The following DPP10 variants were observed in gnomAD, a reference collection of about 807,000 sequenced individuals.
DPP10 encodes the protein dipeptidyl peptidase like 10.
A neutral mutation model predicts 120.9 loss-of-function variants in DPP10; 33 were observed. The observed-to-expected ratio is 0.27, with a 90% CI of 0.21 to 0.37. The LOEUF is 0.37. Ranked by LOEUF, DPP10 falls within the 10% of genes least tolerant of loss-of-function variation. The pLI, the probability that DPP10 is intolerant of heterozygous loss-of-function variation, is 1.00. For missense variants in DPP10, 816 were observed against 942.8 expected (o/e 0.87, Z 1.76); for synonymous variants, 337 against 326.1 (o/e 1.03, Z -0.36).
At chr2:114,823,062 A>T (rs1686229163) in intron 1 of DPP10, among the ~76,000 whole-genome samples, 1 of 152,168 alleles carries the variant, frequency 6.6e-6, no homozygotes, top group African/African-American at 2.4e-5. Context: ...AGGTATCTTT[A>T]CAGCAGCACC....
In DPP10 at chr2:115,723,877, A is replaced by G. The variant is rs142638302; in HGVS notation, c.577-3939A>G. On this transcript the variant is annotated intron_variant, in intron 7 of 25. Transcript: ENST00000410059. ...TGAATGCAAATACTATCCCAACTCC[A>G]GTGTAACTTTACAGATCTTTCCAAA... Among the ~76,000 whole-genome samples the G allele has an allele frequency of 3.0e-3, 463 of 152,312 alleles. 2 individuals carry two copies. The highest frequency in any genetic ancestry group is 0.021 in the South Asian group (103 of 4,828).
rs147519099 is a variant in DPP10, at chr2:114,725,161, C to G, written c.60+282323C>G. Among the ~76,000 whole-genome samples the G allele has an allele frequency of 2.7e-3, 410 of 152,250 alleles. 4 individuals carry two copies. Among genetic ancestry groups the G allele is most frequent in the African/African-American group, 8.8e-3 (367 of 41,546 alleles). On this transcript the variant is annotated intron_variant, in intron 1 of 25. Transcript: ENST00000410059. ...TTCCCAGGGCAACTTGGAAATGTGT[C>G]CCAGCCATTGTCCTCACTTTGGCTA...
At chr2:114,559,891 CAA>C (rs60833358) in intron 1 of DPP10, among the ~76,000 whole-genome samples, 18,764 of 65,900 alleles carry the variant, frequency 0.28, 885 homozygotes, top group Non-Finnish European at 0.33. Context: ...AGAAAAAAAG[CAA>C]AAAAAAAAAA....
At chr2:114,462,687 A>G (rs1465581534) in intron 1 of DPP10, among the ~76,000 whole-genome samples, 1 of 152,080 alleles carries the variant, frequency 6.6e-6, no homozygotes, top group Non-Finnish European at 1.5e-5. Context: ...AGGTGTCTCC[A>G]CTATAAAACG....
At chr2:114,715,935 A>G (rs1239022029) in intron 1 of DPP10, among the ~76,000 whole-genome samples, 2 of 152,100 alleles carry the variant, frequency 1.3e-5, no homozygotes. Context: ...AAACAACTCA[A>G]GATGCTACCA....
At chr2:114,911,117 T>A (rs566433530) in intron 1 of DPP10, among the ~76,000 whole-genome samples, 1 of 152,340 alleles carries the variant, frequency 6.6e-6, no homozygotes, top group East Asian at 1.9e-4. Flanking sequence ...ATATGTGAAA[T>A]CAATACACTT....
intron 1 of DPP10, among the ~76,000 whole-genome samples, chr2:115,277,125 G>A (rs72955579): frequency 0.015 from 2,295 of 152,204 alleles, 50 homozygotes; most frequent in African/African-American, 0.052. Flanking sequence ...AAATCAAGAT[G>A]TACATTATTA....
chr2:115,400,252 G>A (rs987022431), intron 3 of DPP10, among the ~76,000 whole-genome samples: 1 of 152,120 alleles, frequency 6.6e-6, no homozygotes, highest in Non-Finnish European at 1.5e-5. Flanking sequence ...ACCATGTCAT[G>A]GCTGAATTTA....
chr2:115,131,670 G>A (rs1181422443), intron 1 of DPP10, among the ~76,000 whole-genome samples: 1 of 152,106 alleles, frequency 6.6e-6, no homozygotes, highest in African/African-American at 2.4e-5. Context: ...CTACTGATTT[G>A]TTATCAGAAA....
At chr2:115,121,855 G>A (rs1300997056) in intron 1 of DPP10, among the ~76,000 whole-genome samples, 1 of 152,150 alleles carries the variant, frequency 6.6e-6, no homozygotes, top group Non-Finnish European at 1.5e-5. Flanking sequence ...TAGGGGCACT[G>A]GGTCCTGAGG....
chr2:114,987,627 G>A (rs1481785828), intron 1 of DPP10, among the ~76,000 whole-genome samples: 2 of 151,948 alleles, frequency 1.3e-5, no homozygotes, highest in Non-Finnish European at 2.9e-5. Flanking sequence ...GAGGCTCTGA[G>A]GTTACTCTTA....
At chr2:115,194,412 C>T (rs570243931) in intron 1 of DPP10, among the ~76,000 whole-genome samples, 10 of 152,200 alleles carry the variant, frequency 6.6e-5, no homozygotes, top group South Asian at 2.1e-4. Flanking sequence ...CCAGCAGAGA[C>T]GGGATTTCTC....
At chr2:114,962,140 G>C (rs995061829) in intron 1 of DPP10, among the ~76,000 whole-genome samples, 6 of 151,738 alleles carry the variant, frequency 4.0e-5, no homozygotes, top group African/African-American at 9.7e-5. Flanking sequence ...CTTCATCATC[G>C]TAAGTATGTG....
At chr2:115,249,593 C>A (rs1433947004) in intron 1 of DPP10, among the ~76,000 whole-genome samples, 1 of 152,066 alleles carries the variant, frequency 6.6e-6, no homozygotes, top group Non-Finnish European at 1.5e-5. Flanking sequence ...AACTTTAAAA[C>A]AACTTGTTAA....
intron 1 of DPP10, among the ~76,000 whole-genome samples, chr2:115,111,378 T>C (rs2049210850): frequency 6.6e-6 from 1 of 151,836 alleles, no homozygotes; most frequent in South Asian, 2.1e-4. Flanking sequence ...ATCAACTTGG[T>C]GGGGGATAAG....
In DPP10 at chr2:114,711,691, AT is replaced by A. The variant is rs200968378; in HGVS notation, c.60+268863del. Among the ~76,000 whole-genome samples, 391 of 149,738 alleles carry A rather than the reference AT, an allele frequency of 2.6e-3. 8 individuals carry two copies. The East Asian group carries it at 0.041, about 16-fold the overall frequency. On this transcript the variant is annotated intron_variant, in intron 1 of 25. Coordinates refer to ENST00000410059, the MANE Select transcript of DPP10 (RefSeq NM_020868.6). ...CTCTGAGACTGTCCACGTTTTAATT[AT>A]TTTTTTTTTGTGATAGTTCCAATAG...
At chr2:115,208,207 T>TC in intron 1 of DPP10, among the ~76,000 whole-genome samples, 1 of 148,274 alleles carries the variant, frequency 6.7e-6, no homozygotes, top group African/African-American at 2.5e-5. Context: ...TTTTTTTTCT[T>TC]TTTTTTTTTT....
intron 5 of DPP10, among the ~76,000 whole-genome samples, chr2:115,544,217 A>G (rs1558826553): frequency 6.6e-6 from 1 of 152,064 alleles, no homozygotes. Context: ...AGAATATTCA[A>G]TAATCCTTGA....
At chr2:114,530,188 C>T (rs1411852349) in intron 1 of DPP10, among the ~76,000 whole-genome samples, 1 of 152,120 alleles carries the variant, frequency 6.6e-6, no homozygotes, top group African/African-American at 2.4e-5. Context: ...AGTATAATTA[C>T]ATAGAATTGT....
Sources: gnomAD v4.1 joint callset for allele counts (sites outside exome capture counted in the v4.1 genomes callset) on GRCh38, gnomAD v4.1.1 for gene constraint, MANE v1.5 for transcripts, NCBI Gene and HGNC (gene_info 2026-07-23, HGNC 2026-07-21) for gene names.